The following TNFSF4 variants were observed in gnomAD, a reference collection of about 807,000 sequenced individuals.
The protein encoded by TNFSF4 is tumor necrosis factor ligand superfamily member 4.
Under a neutral mutation model 7.3 loss-of-function variants are expected in TNFSF4, and 4 were observed. The observed-to-expected ratio is 0.55, with a 90% confidence interval of 0.27 to 1.25. The LOEUF (loss-of-function observed/expected upper bound fraction) is 1.25. Ranked by LOEUF, TNFSF4 falls within the 50% of genes most tolerant of loss-of-function variation. The pLI, the probability that TNFSF4 is intolerant of heterozygous loss-of-function variation, is 0.12. For missense variants in TNFSF4, 181 were observed against 208.8 expected, an observed-to-expected ratio of 0.87 and a Z score of 0.82; for synonymous variants, 76 against 83.7, an observed-to-expected ratio of 0.91 and a Z score of 0.50.
chr1:173,213,363 G>A, the TNFSF4 span, among the ~76,000 whole-genome samples: 1 of 151,954 alleles, frequency 6.6e-6, no homozygotes, highest in Non-Finnish European at 1.5e-5. Context: ...CTAAAACTTA[G>A]TGGCACAAAA....
At chr1:173,210,624 G>A, upstream of TNFSF4, among the ~76,000 whole-genome samples, 1 of 152,086 alleles carries the variant, frequency 6.6e-6, no homozygotes, top group Middle Eastern at 3.2e-3. Context: ...GAGGTTTGAA[G>A]CAGAATGTGA....
chr1:173,239,624 G>A, the TNFSF4 span, among the ~76,000 whole-genome samples: 1 of 152,188 alleles, frequency 6.6e-6, no homozygotes, highest in African/African-American at 2.4e-5. Context: ...GAACGGAGCT[G>A]AAAGAAAGGT....
chr1:173,188,371 A>C, intron 2 of TNFSF4, 150 bp downstream of exon 2: 1 of 645,280 alleles, frequency 1.5e-6, no homozygotes, highest in Non-Finnish European at 2.7e-6. Flanking sequence ...AATGAAAATA[A>C]TATGCAGGCT....
the TNFSF4 span, among the ~76,000 whole-genome samples, chr1:173,316,741 TA>T: frequency 6.6e-6 from 1 of 152,134 alleles, no homozygotes. Context: ...ATTTATTTCT[TA>T]AAATTGACAT....
chr1:173,257,241 A>G, the TNFSF4 span, among the ~76,000 whole-genome samples: 1 of 152,234 alleles, frequency 6.6e-6, no homozygotes, highest in Non-Finnish European at 1.5e-5. Context: ...ATGTTAATCT[A>G]GTCCCTCTTT....
chr1:173,321,866 G>T, the TNFSF4 span, among the ~76,000 whole-genome samples: 1 of 152,174 alleles, frequency 6.6e-6, no homozygotes, highest in African/African-American at 2.4e-5. Flanking sequence ...ACTCTTGGTA[G>T]GAGTGTAAAT....
the TNFSF4 span, chr1:173,174,596 AGT>A: frequency 6.6e-6 from 1 of 152,312 alleles, no homozygotes; most frequent in Non-Finnish European, 1.5e-5. Flanking sequence ...AGCAGCAAGA[AGT>A]GCAGAATGAA....
the TNFSF4 span, among the ~76,000 whole-genome samples, chr1:173,376,024 T>C: frequency 6.6e-6 from 1 of 152,202 alleles, no homozygotes; most frequent in African/African-American, 2.4e-5. Flanking sequence ...TCTGGCTTTC[T>C]GTTTCTCCTA....
At chr1:173,390,353 A>G in the TNFSF4 span, among the ~76,000 whole-genome samples, 1 of 152,186 alleles carries the variant, frequency 6.6e-6, no homozygotes, top group South Asian at 2.1e-4. Context: ...TTAGAAAGCC[A>G]TTAAACCCCA....
the TNFSF4 span, among the ~76,000 whole-genome samples, chr1:173,228,543 C>T: frequency 6.6e-6 from 1 of 152,148 alleles, no homozygotes; most frequent in Non-Finnish European, 1.5e-5. Flanking sequence ...CAAAGGAACA[C>T]AGCTCCTCGC....
the TNFSF4 span, among the ~76,000 whole-genome samples, chr1:173,432,023 C>T: frequency 6.6e-6 from 1 of 152,124 alleles, no homozygotes; most frequent in Non-Finnish European, 1.5e-5. Context: ...GTGAAGGAGG[C>T]CTTAAGGATT....
At chr1:173,246,650 G>A in the TNFSF4 span, among the ~76,000 whole-genome samples, 2 of 152,314 alleles carry the variant, frequency 1.3e-5, no homozygotes, top group South Asian at 4.1e-4. Flanking sequence ...TAGTGCTGAT[G>A]AGTGAAATAT....
the TNFSF4 span, among the ~76,000 whole-genome samples, chr1:173,441,761 A>G: frequency 1.4e-4 from 22 of 152,226 alleles, no homozygotes; most frequent in African/African-American, 5.3e-4. Context: ...GTGAACAAGA[A>G]TGTGTGTTTG....
chr1:173,340,965 G>A, the TNFSF4 span, among the ~76,000 whole-genome samples: 6 of 152,100 alleles, frequency 3.9e-5, no homozygotes, highest in African/African-American at 1.4e-4. Context: ...ATCATGAGAG[G>A]AGCTACCTCC....
chr1:173,434,718 G>A, the TNFSF4 span, among the ~76,000 whole-genome samples: 138 of 152,292 alleles, frequency 9.1e-4, no homozygotes, highest in African/African-American at 1.6e-3. Flanking sequence ...TGCAGAGGCC[G>A]GAACCATAAT....
chr1:173,404,007 C>T, the TNFSF4 span, among the ~76,000 whole-genome samples: 1 of 151,976 alleles, frequency 6.6e-6, no homozygotes, highest in Non-Finnish European at 1.5e-5. Context: ...CACAAAGAGA[C>T]CTGAAAATCT....
the TNFSF4 span, among the ~76,000 whole-genome samples, chr1:173,343,913 A>C: frequency 6.6e-6 from 1 of 152,252 alleles, no homozygotes; most frequent in Non-Finnish European, 1.5e-5. Flanking sequence ...GGAAATAAAA[A>C]GGAACAGACA....
At chr1:173,179,684 T>C (rs1273201884), downstream of TNFSF4, among the ~76,000 whole-genome samples, 17 of 152,176 alleles carry the variant, frequency 1.1e-4, no homozygotes, top group Admixed American at 1.1e-3. Flanking sequence ...AGTTGAGTCA[T>C]ACTCCCTCTT....
At chr1:173,439,867 A>G in the TNFSF4 span, among the ~76,000 whole-genome samples, 1 of 152,150 alleles carries the variant, frequency 6.6e-6, no homozygotes, top group Non-Finnish European at 1.5e-5. Flanking sequence ...GTTTGCTGCC[A>G]AAAGATCTAA....
Sources: allele counts gnomAD v4.1 joint callset (sites outside exome capture counted in the v4.1 genomes callset), GRCh38; gene constraint gnomAD v4.1.1; transcripts MANE v1.5; gene names NCBI Gene and HGNC (gene_info 2026-07-23, HGNC 2026-07-21).